SPMIP3: variants seen among roughly 807,000 people sequenced by gnomAD.
SPMIP3 encodes sperm microtubule inner protein 3.
the SPMIP3 span, among the ~76,000 whole-genome samples, chr1:244,370,746 T>C: frequency 6.6e-6 from 1 of 152,164 alleles, no homozygotes; most frequent in Non-Finnish European, 1.5e-5. Context: ...AAACAAATCA[T>C]CACACATACC....
At chr1:244,354,387 C>T in the SPMIP3 span, among the ~76,000 whole-genome samples, 3 of 143,306 alleles carry the variant, frequency 2.1e-5, no homozygotes, top group South Asian at 2.2e-4. Flanking sequence ...GTTGGAGTCT[C>T]GCTCTGTCAC....
chr1:244,378,344 G>A, the SPMIP3 span: 2 of 936,818 alleles, frequency 2.1e-6, no homozygotes, highest in Non-Finnish European at 3.2e-6. Context: ...CAGAGCTGTG[G>A]GAGTCTTGTC....
At chr1:244,359,577 G>A in the SPMIP3 span, among the ~76,000 whole-genome samples, 2 of 152,068 alleles carry the variant, frequency 1.3e-5, no homozygotes, top group African/African-American at 4.8e-5. Flanking sequence ...CAAAAAATTA[G>A]CTGGGTGTGG....
At chr1:244,371,523 G>A in the SPMIP3 span, among the ~76,000 whole-genome samples, 2 of 152,220 alleles carry the variant, frequency 1.3e-5, no homozygotes, top group African/African-American at 2.4e-5. Flanking sequence ...CCTGCCAAGA[G>A]ACACTGCCAA....
At chr1:244,354,660 C>G in the SPMIP3 span, among the ~76,000 whole-genome samples, 29 of 152,290 alleles carry the variant, frequency 1.9e-4, no homozygotes, top group Admixed American at 1.4e-3. Context: ...CATGGCTGGC[C>G]TGATTTAACA....
the SPMIP3 span, among the ~76,000 whole-genome samples, chr1:244,366,455 C>T: frequency 6.6e-6 from 1 of 152,248 alleles, no homozygotes; most frequent in Non-Finnish European, 1.5e-5. Context: ...TGAGCCACAA[C>T]ACCCAGCCTC....
chr1:244,383,949 TA>T, the SPMIP3 span, among the ~76,000 whole-genome samples: 1 of 152,130 alleles, frequency 6.6e-6, no homozygotes, highest in Non-Finnish European at 1.5e-5. Flanking sequence ...TTGTGAGGGA[TA>T]AAAGACTACA....
At chr1:244,355,894 C>T in the SPMIP3 span, among the ~76,000 whole-genome samples, 8 of 152,008 alleles carry the variant, frequency 5.3e-5, no homozygotes, top group Non-Finnish European at 1.2e-4. Flanking sequence ...ATGTGTTGTT[C>T]GATTTTCACA....
the SPMIP3 span, among the ~76,000 whole-genome samples, chr1:244,380,301 G>A: frequency 6.6e-6 from 1 of 151,890 alleles, no homozygotes; most frequent in Non-Finnish European, 1.5e-5. Context: ...TGTATTTTTA[G>A]TATAGACGGA....
At chr1:244,378,592 A>C in the SPMIP3 span, 3 of 1,614,172 alleles carry the variant, frequency 1.9e-6, no homozygotes, top group South Asian at 2.2e-5. Context: ...CCATGGTATA[A>C]AGAAACCACT....
the SPMIP3 span, among the ~76,000 whole-genome samples, chr1:244,360,560 G>GCACACA: frequency 6.7e-4 from 7 of 10,434 alleles, no homozygotes; most frequent in East Asian, 8.7e-3. Context: ...ACACACACAT[G>GCACACA]CATGCATGGA....
chr1:244,383,757 G>C, the SPMIP3 span, among the ~76,000 whole-genome samples: 1 of 152,120 alleles, frequency 6.6e-6, no homozygotes, highest in East Asian at 1.9e-4. Context: ...AAACAATAAG[G>C]GTGTGCTGGA....
At chr1:244,360,836 A>C in the SPMIP3 span, among the ~76,000 whole-genome samples, 1 of 150,014 alleles carries the variant, frequency 6.7e-6, no homozygotes, top group Non-Finnish European at 1.5e-5. Context: ...GTGAGCTGAG[A>C]TTGCGCCATT....
chr1:244,369,980 C>T, the SPMIP3 span, among the ~76,000 whole-genome samples: 3 of 152,164 alleles, frequency 2.0e-5, no homozygotes, highest in East Asian at 1.9e-4. Flanking sequence ...GCACAGCTGC[C>T]AGCATTCACC....
the SPMIP3 span, among the ~76,000 whole-genome samples, chr1:244,387,246 C>A: frequency 6.6e-6 from 1 of 151,026 alleles, no homozygotes; most frequent in Non-Finnish European, 1.5e-5. Context: ...TGCAGTGAGC[C>A]GAGATGGCGC....
At chr1:244,360,004 G>T in the SPMIP3 span, among the ~76,000 whole-genome samples, 1 of 151,994 alleles carries the variant, frequency 6.6e-6, no homozygotes, top group African/African-American at 2.4e-5. Flanking sequence ...AGCTACTCGG[G>T]AGGCTGAGGC....
the SPMIP3 span, among the ~76,000 whole-genome samples, chr1:244,380,186 T>A: frequency 2.0e-5 from 3 of 146,836 alleles, no homozygotes; most frequent in Non-Finnish European, 4.5e-5. Flanking sequence ...TGGAGTGCAG[T>A]GGCACCATCT....
the SPMIP3 span, among the ~76,000 whole-genome samples, chr1:244,356,777 G>T: frequency 6.6e-6 from 1 of 151,994 alleles, no homozygotes; most frequent in Admixed American, 6.6e-5. Context: ...GGGGTATTGG[G>T]TTTCATAAAT....
At chr1:244,380,832 A>G in the SPMIP3 span, among the ~76,000 whole-genome samples, 238 of 151,788 alleles carry the variant, frequency 1.6e-3, 7 homozygotes, top group East Asian at 0.038. Context: ...AGGAAAAGGG[A>G]GGGAGAGGTG....
Sources: allele counts gnomAD v4.1 joint callset (sites outside exome capture counted in the v4.1 genomes callset), GRCh38; gene constraint gnomAD v4.1.1; transcripts MANE v1.5; gene names NCBI Gene and HGNC (gene_info 2026-07-23, HGNC 2026-07-21).